Variants in PLEKHH2 observed in about 807,000 individuals in gnomAD.
PLEKHH2 encodes pleckstrin homology, MyTH4 and FERM domain containing H2.
A neutral mutation model predicts 187.9 loss-of-function variants in PLEKHH2; 129 were observed. The observed-to-expected ratio is 0.69, with a 90% CI of 0.59 to 0.79. The LOEUF (loss-of-function observed/expected upper bound fraction) is 0.79. Ranked by LOEUF, PLEKHH2 falls within the 30% of genes least tolerant of loss-of-function variation. PLEKHH2 has a pLI of 0.00. For synonymous variants in PLEKHH2, 686 were observed against 605.6 expected (o/e 1.13, Z -1.95); for missense variants, 2,076 against 1,751.2 (o/e 1.19, Z -3.31).
intron 2 of PLEKHH2, among the ~76,000 whole-genome samples, chr2:43,673,682 G>A (rs1321469358): frequency 6.6e-6 from 1 of 152,160 alleles, no homozygotes; most frequent in Non-Finnish European, 1.5e-5. Context: ...TATGTTGGAT[G>A]CTTTTCTGTT....
intron 9 of PLEKHH2, among the ~76,000 whole-genome samples, chr2:43,706,028 T>C (rs1669639358): frequency 6.6e-6 from 1 of 152,216 alleles, no homozygotes; most frequent in East Asian, 1.9e-4. Flanking sequence ...CTGCCCAGCC[T>C]GAGCAAAGCA....
In PLEKHH2 at chr2:43,731,546, C is replaced by G; in HGVS notation, c.2887C>G (p.Pro963Ala). The G allele has an allele frequency of 6.2e-7, 1 of 1,607,032 alleles. No homozygotes were observed. Among genetic ancestry groups the G allele is most frequent in the East Asian group, 2.2e-5 (1 of 44,810 alleles). Residue 963 changes from proline (P) to alanine (A), a missense_variant, in exon 19 of 30, where the codon CCT becomes GCT. Coordinates refer to ENST00000282406, the MANE Select transcript of PLEKHH2 (RefSeq NM_172069.4). ...TCACAGTAAAGAAGGAATCATTTCCCCTCTGACAACTCTACCTTCCGAAGC... is the reference window on the plus strand; with the variant it reads ...TCACAGTAAAGAAGGAATCATTTCCGCTCTGACAACTCTACCTTCCGAAGC... ...LCHSKEGIIS[P>A]LTTLPSEALQ... is the part of the protein sequence containing the mutation.
intron 1 of PLEKHH2, among the ~76,000 whole-genome samples, chr2:43,642,736 A>G (rs540731808): frequency 1.3e-5 from 2 of 151,994 alleles, no homozygotes; most frequent in African/African-American, 4.8e-5. Flanking sequence ...TTTGTTCTTT[A>G]TTCTTTTCAC....
At chr2:43,719,041 AC>A (rs1213834265) in intron 15 of PLEKHH2, among the ~76,000 whole-genome samples, 1 of 152,236 alleles carries the variant, frequency 6.6e-6, no homozygotes, top group Non-Finnish European at 1.5e-5. Context: ...TTGAGTAACT[AC>A]TGTCATCCTT....
chr2:43,699,621 T>G, intron 7 of PLEKHH2, 26 bp from the exon 8 acceptor site: 1 of 1,592,800 alleles, frequency 6.3e-7, no homozygotes, highest in Non-Finnish European at 8.5e-7. Flanking sequence ...AAAGGCAGCA[T>G]GCTGATATGA....
chr2:43,643,798 TA>T (rs1016281844), intron 1 of PLEKHH2, among the ~76,000 whole-genome samples: 94 of 152,206 alleles, frequency 6.2e-4, no homozygotes, highest in African/African-American at 2.2e-3. Context: ...ACCAAACATT[TA>T]AAACTACTTT....
chr2:43,706,245 A>G, intron 9 of PLEKHH2, 77 bp from the exon 10 acceptor site: 1 of 980,450 alleles, frequency 1.0e-6, no homozygotes, highest in Non-Finnish European at 1.6e-6. Flanking sequence ...GATTATGCTC[A>G]TTTGTATTCA....
intron 25 of PLEKHH2, among the ~76,000 whole-genome samples, chr2:43,754,391 C>T (rs1043704672): frequency 5.9e-5 from 9 of 152,108 alleles, no homozygotes; most frequent in African/African-American, 4.8e-5. Context: ...GTCAGTGTTC[C>T]GGGCTTCAGG....
At chr2:43,680,853 T>G (rs1466240756) in intron 3 of PLEKHH2, 3 of 507,684 alleles carry the variant, frequency 5.9e-6, no homozygotes, top group Non-Finnish European at 1.1e-5. Context: ...TGATTTCTTG[T>G]TCCATAGCAT....
chr2:43,745,764 T>A (rs1671753987), intron 23 of PLEKHH2, 102 bp from the exon 24 acceptor site: 2 of 748,906 alleles, frequency 2.7e-6, no homozygotes, highest in Non-Finnish European at 4.3e-6. Context: ...TATATTTGGT[T>A]TGATCATATT....
chr2:43,680,547 T>G (rs1558475346), intron 3 of PLEKHH2: 1 of 156,714 alleles, frequency 6.4e-6, no homozygotes, highest in Non-Finnish European at 1.4e-5. Flanking sequence ...CAAATCTTTT[T>G]CCTTTTTAAT....
chr2:43,692,630 C>T lies in PLEKHH2; in HGVS notation c.303C>T (p.Val101=), dbSNP rs1668859529. 6.2e-7 allele frequency: 1 copy of T among 1,613,200 alleles called. No individual in the cohort carries two copies. The highest frequency in any genetic ancestry group is 8.5e-7 in the Non-Finnish European group (1 of 1,179,698). ...LESLIQEKDD[V]IQNLELQLEE... ...CGCTAATACAGGAAAAAGATGACGT[C>T]ATTCAAAACTTGGAATTGCAACTTG... The change falls in exon 4 of 30, where the codon GTC becomes GTT. Residue 101 remains valine, a synonymous_variant. Transcript: ENST00000282406.
At chr2:43,690,677 C>T (rs1668747915) in intron 3 of PLEKHH2, among the ~76,000 whole-genome samples, 1 of 152,148 alleles carries the variant, frequency 6.6e-6, no homozygotes, top group Non-Finnish European at 1.5e-5. Context: ...TAATCTGAAA[C>T]GTTGCTAAAA....
chr2:43,657,861 A>G (rs1005445856), intron 2 of PLEKHH2, among the ~76,000 whole-genome samples: 3 of 152,160 alleles, frequency 2.0e-5, no homozygotes, highest in Admixed American at 2.0e-4. Flanking sequence ...AATTATTTAT[A>G]TTACCTGTGT....
At chr2:43,697,794 C>T (rs1301167547) in intron 7 of PLEKHH2, among the ~76,000 whole-genome samples, 1 of 152,024 alleles carries the variant, frequency 6.6e-6, no homozygotes, top group East Asian at 1.9e-4. Context: ...TGAAATTAAA[C>T]ATTGGCATAG....
At chr2:43,763,021 A>G (rs1672488119) in intron 28 of PLEKHH2, among the ~76,000 whole-genome samples, 1 of 152,228 alleles carries the variant, frequency 6.6e-6, no homozygotes, top group South Asian at 2.1e-4. Context: ...AAGATCACTG[A>G]AAATTTTCTG....
intron 17 of PLEKHH2, among the ~76,000 whole-genome samples, chr2:43,728,160 T>C (rs571314771): frequency 2.0e-5 from 3 of 152,248 alleles, no homozygotes; most frequent in South Asian, 2.1e-4. Context: ...TAATGACTCA[T>C]AATTCTATTT....
At chr2:43,718,305 C>T (rs1297140739) in intron 15 of PLEKHH2, among the ~76,000 whole-genome samples, 7 of 151,926 alleles carry the variant, frequency 4.6e-5, no homozygotes, top group East Asian at 1.9e-4. Context: ...TTTGGGAGGC[C>T]GAGGCGGGCA....
At chr2:43,696,804 A>C (rs1447057192) in intron 6 of PLEKHH2, among the ~76,000 whole-genome samples, 1 of 152,142 alleles carries the variant, frequency 6.6e-6, no homozygotes. Flanking sequence ...TACTGTGCAA[A>C]TTTTACCAAC....
Sources: gnomAD v4.1 joint callset for allele counts (sites outside exome capture counted in the v4.1 genomes callset) on GRCh38, gnomAD v4.1.1 for gene constraint, MANE v1.5 for transcripts, NCBI Gene and HGNC (gene_info 2026-07-23, HGNC 2026-07-21) for gene names.